The following ZNF131 variants were observed in gnomAD, a reference collection of about 807,000 sequenced individuals.
ZNF131 encodes the protein zinc finger protein 131.
A neutral mutation model predicts 60.0 loss-of-function variants in ZNF131; 7 were observed. The ratio of observed to expected loss-of-function variants is 0.12; its 90% CI spans 0.07 to 0.22. The LOEUF is 0.22. Among genes scored for constraint, ZNF131 ranks in the 10% least tolerant of loss-of-function variants. The pLI, the probability that ZNF131 is intolerant of heterozygous loss-of-function variation, is 1.00. For missense variants in ZNF131, 493 were observed against 740.9 expected, an observed-to-expected ratio of 0.67 and a Z score of 3.88; for synonymous variants, 257 against 253.2, an observed-to-expected ratio of 1.01 and a Z score of -0.14.
chr5:43,165,649 T>C (rs1214626433), intron 5 of ZNF131, among the ~76,000 whole-genome samples: 1 of 152,214 alleles, frequency 6.6e-6, no homozygotes, highest in Non-Finnish European at 1.5e-5. Context: ...TCCGTTTCTG[T>C]AGCCCAGGCA....
intron 4 of ZNF131, among the ~76,000 whole-genome samples, chr5:43,158,834 T>G (rs1465075223): frequency 6.7e-6 from 1 of 148,236 alleles, no homozygotes; most frequent in African/African-American, 2.5e-5. Context: ...TCATCCTTCC[T>G]TTTCCAGAAA....
intron 5 of ZNF131, among the ~76,000 whole-genome samples, chr5:43,164,939 C>G (rs984918782): frequency 6.7e-6 from 1 of 150,104 alleles, no homozygotes; most frequent in African/African-American, 2.4e-5. Context: ...AGTTGTTGTT[C>G]TCTTCTCTCC....
At chr5:43,164,810 A>G (rs1750146746) in intron 5 of ZNF131, among the ~76,000 whole-genome samples, 2 of 152,224 alleles carry the variant, frequency 1.3e-5, no homozygotes, top group African/African-American at 2.4e-5. Context: ...AGTAGTTGTT[A>G]TAAATTACTG....
At chr5:43,127,648 T>TC (rs1744720812) in intron 3 of ZNF131, among the ~76,000 whole-genome samples, 7 of 151,796 alleles carry the variant, frequency 4.6e-5, no homozygotes, top group Admixed American at 4.6e-4. Flanking sequence ...GAGCTCACCC[T>TC]CCATGTTTTC....
intron 3 of ZNF131, among the ~76,000 whole-genome samples, chr5:43,129,816 G>C (rs1745065449): frequency 6.6e-6 from 1 of 151,950 alleles, no homozygotes; most frequent in Non-Finnish European, 1.5e-5. Context: ...CACCACGCCC[G>C]GCTACTTTTT....
In ZNF131 at chr5:43,132,143, A is replaced by G. The variant is rs558935; in HGVS notation, c.227-7022A>G. Among the ~76,000 whole-genome samples the G allele has an allele frequency of 5.5e-3, 840 of 152,342 alleles. 14 individuals are homozygous for G. Among genetic ancestry groups the G allele is most frequent in the African/African-American group, 0.02 (815 of 41,582 alleles). ...TGGAAACACTTACACATTGTTTTAA[A>G]AAGGATTTTTCTTGTGCTTTTAAAC... On this transcript the variant is annotated intron_variant, in intron 3 of 6. Transcript: ENST00000682664.
At chr5:43,147,776 C>T (rs1747802304) in intron 4 of ZNF131, among the ~76,000 whole-genome samples, 2 of 149,902 alleles carry the variant, frequency 1.3e-5, no homozygotes, top group African/African-American at 2.4e-5. Context: ...GTTTTATGGC[C>T]GGGTGTGGTG....
intron 4 of ZNF131, among the ~76,000 whole-genome samples, chr5:43,143,054 C>A: frequency 6.9e-6 from 1 of 145,316 alleles, no homozygotes; most frequent in African/African-American, 2.5e-5. Flanking sequence ...AAGACAGAGT[C>A]TCACTGTTAC....
chr5:43,125,405 C>T (rs956593390), intron 3 of ZNF131, among the ~76,000 whole-genome samples: 5 of 151,684 alleles, frequency 3.3e-5, no homozygotes, highest in Admixed American at 6.6e-5. Flanking sequence ...GTGATCCACC[C>T]GCCTCTTCCT....
At chr5:43,151,384 A>C (rs1343251383) in intron 4 of ZNF131, among the ~76,000 whole-genome samples, 1 of 152,068 alleles carries the variant, frequency 6.6e-6, no homozygotes, top group African/African-American at 2.4e-5. Flanking sequence ...TTCCTTAAAC[A>C]CTTGATGGTC....
At chr5:43,139,122 G>C in intron 3 of ZNF131, 43 bp from the exon 4 acceptor site, 1 of 1,428,334 alleles carries the variant, frequency 7.0e-7, no homozygotes, top group East Asian at 2.6e-5. Context: ...TGTAAGATTT[G>C]AGTCAATATG....
chr5:43,162,274 G>A (rs370665468), intron 5 of ZNF131, among the ~76,000 whole-genome samples: 8 of 152,124 alleles, frequency 5.3e-5, no homozygotes, highest in East Asian at 1.9e-4. Flanking sequence ...TTCTTGTGTC[G>A]TGTTACTTAC....
intron 3 of ZNF131, among the ~76,000 whole-genome samples, chr5:43,126,041 C>T (rs1255239160): frequency 6.6e-6 from 1 of 152,190 alleles, no homozygotes; most frequent in African/African-American, 2.4e-5. Context: ...AAGCCCTTAA[C>T]TTTGGGGTTA....
intron 4 of ZNF131, among the ~76,000 whole-genome samples, chr5:43,154,783 G>A (rs960210140): frequency 2.0e-5 from 3 of 152,122 alleles, no homozygotes; most frequent in African/African-American, 7.2e-5. Context: ...CCCTTATCTT[G>A]CACATCTGAA....
intron 5 of ZNF131, among the ~76,000 whole-genome samples, chr5:43,162,620 G>C (rs1238049421): frequency 7.6e-6 from 1 of 131,350 alleles, no homozygotes; most frequent in Admixed American, 7.9e-5. Context: ...AGAAAAAAAA[G>C]CGGCCAGGCG....
intron 3 of ZNF131, among the ~76,000 whole-genome samples, chr5:43,130,263 CCAAAAAAAAAAAAAA>C (rs1212910642): frequency 3.0e-5 from 1 of 33,158 alleles, no homozygotes; most frequent in Non-Finnish European, 5.1e-5. Flanking sequence ...GACTCTGTCT[CCAAAAAAAAAAAAAA>C]AAAAGAGGAA....
chr5:43,123,338 T>G, intron 3 of ZNF131, 28 bp downstream of exon 3: 1 of 1,556,382 alleles, frequency 6.4e-7, no homozygotes. Context: ...TTTTTTTATT[T>G]AATAAATCAA....
At position 43,130,263 on chromosome 5, in the gene ZNF131, C is replaced by CAAAAAA. The variant is rs765959932; in HGVS notation, c.226+6953_226+6954insAAAAAA. Among the ~76,000 whole-genome samples the CAAAAAA allele has an allele frequency of 2.4e-3, 79 of 33,146 alleles. 3 individuals carry two copies. Among genetic ancestry groups the CAAAAAA allele is most frequent in the Middle Eastern group, 0.024 (1 of 42 alleles). 21.7% of individuals were successfully genotyped at this position (33,146 alleles called of 152,430 possible). On this transcript the variant is annotated intron_variant, in intron 3 of 6. Transcript: ENST00000682664. Reference sequence around the variant, plus strand: ...TGAGCGATAGAGTAAGACTCTGTCTCCAAAAAAAAAAAAAAAAAAGAGGAA... The same window carrying CAAAAAA: ...TGAGCGATAGAGTAAGACTCTGTCTCAAAAAACAAAAAAAAAAAAAAAAAAGAGGAA...
intron 4 of ZNF131, among the ~76,000 whole-genome samples, chr5:43,150,378 G>C (rs927032044): frequency 6.6e-6 from 1 of 152,186 alleles, no homozygotes; most frequent in Non-Finnish European, 1.5e-5. Context: ...GAAACATTAT[G>C]AGTATCCATG....
Sources: gnomAD v4.1 joint callset for allele counts (sites outside exome capture counted in the v4.1 genomes callset) on GRCh38, gnomAD v4.1.1 for gene constraint, MANE v1.5 for transcripts, NCBI Gene and HGNC (gene_info 2026-07-23, HGNC 2026-07-21) for gene names.